TENM3: variants seen among roughly 807,000 people sequenced by gnomAD.
TENM3 encodes teneurin transmembrane protein 3, also known as teneurin-3.
A neutral mutation model predicts 255.1 loss-of-function variants in TENM3; 63 were observed. The observed-to-expected ratio is 0.25, with a 90% CI of 0.20 to 0.30. TENM3 has a LOEUF of 0.30. TENM3 is among the 10% of genes least tolerant of loss of function. The probability of loss-of-function intolerance (pLI) is 1.00; values close to 1 mark genes in which losing one functional copy is unlikely to be tolerated. For synonymous variants in TENM3, 1,306 were observed against 1,322.3 expected, an observed-to-expected ratio of 0.99 and a Z score of 0.27; for missense variants, 2,929 against 3,461.1, an observed-to-expected ratio of 0.85 and a Z score of 3.86.
At chr4:182,001,896 G>C in the TENM3 span, among the ~76,000 whole-genome samples, 5 of 152,032 alleles carry the variant, frequency 3.3e-5, no homozygotes, top group African/African-American at 1.2e-4. Context: ...CAAGTTGATT[G>C]GTTCAACAAT....
chr4:181,533,554 C>A, the TENM3 span, among the ~76,000 whole-genome samples: 32 of 152,080 alleles, frequency 2.1e-4, no homozygotes, highest in African/African-American at 7.5e-4. Flanking sequence ...GCCCCCAACA[C>A]CCGTTATTGG....
chr4:182,085,763 T>C, the TENM3 span, among the ~76,000 whole-genome samples: 10 of 152,176 alleles, frequency 6.6e-5, no homozygotes, highest in African/African-American at 2.2e-4. Flanking sequence ...GAAAAACATA[T>C]ATTATCTGAG....
chr4:182,326,125 G>A (rs1763388697), intron 2 of TENM3, among the ~76,000 whole-genome samples: 1 of 152,242 alleles, frequency 6.6e-6, no homozygotes. Context: ...AGGCCTTGTT[G>A]GAGAGCAGAA....
At chr4:182,312,449 A>G (rs113396501) in intron 1 of TENM3, among the ~76,000 whole-genome samples, 233 of 152,350 alleles carry the variant, frequency 1.5e-3, no homozygotes, top group Admixed American at 2.5e-3. Context: ...TGAGGTGGAC[A>G]TGTTCAGCCG....
the TENM3 span, among the ~76,000 whole-genome samples, chr4:181,751,430 A>C: frequency 6.6e-6 from 1 of 151,858 alleles, no homozygotes. Context: ...AAAAAAAAAA[A>C]AAACAAGAAA....
intron 1 of TENM3, among the ~76,000 whole-genome samples, chr4:182,178,962 A>G (rs1752682561): frequency 6.6e-6 from 1 of 152,220 alleles, no homozygotes. Flanking sequence ...ATTTTAGAGT[A>G]ATAAGTGAAA....
chr4:182,163,069 T>A (rs1254774967), intron 1 of TENM3, among the ~76,000 whole-genome samples: 1 of 152,142 alleles, frequency 6.6e-6, no homozygotes, highest in Admixed American at 6.5e-5. Flanking sequence ...TCAAGACGGC[T>A]CCATCCCTCA....
In TENM3 at chr4:182,597,124, C is replaced by T. The variant is rs146376917; in HGVS notation, c.512-3800C>T. Among the ~76,000 whole-genome samples, 495 of 152,294 alleles carry T rather than the reference C, an allele frequency of 3.3e-3. 2 individuals carry two copies. The highest frequency in any genetic ancestry group is 6.8e-3 in the South Asian group (33 of 4,822). ...CTTTATGCAAAGACTTAAAAAGAGC[C>T]AGGTACAGATCCTCACACCTGCAGT... On this transcript the variant is annotated intron_variant, in intron 3 of 27. Transcript: ENST00000511685.
the TENM3 span, among the ~76,000 whole-genome samples, chr4:182,038,829 G>A: frequency 6.6e-6 from 1 of 152,098 alleles, no homozygotes; most frequent in South Asian, 2.1e-4. Flanking sequence ...TGCCTCTCGG[G>A]TTCAAGTGAT....
At chr4:182,104,170 A>G in the TENM3 span, among the ~76,000 whole-genome samples, 1 of 152,344 alleles carries the variant, frequency 6.6e-6, no homozygotes, top group Middle Eastern at 3.4e-3. Context: ...TGGAATCAGG[A>G]AGGGATGCAC....
intron 3 of TENM3, among the ~76,000 whole-genome samples, chr4:182,475,175 A>G (rs1733554417): frequency 6.6e-6 from 1 of 152,176 alleles, no homozygotes; most frequent in Non-Finnish European, 1.5e-5. Context: ...CTTTAGTGGT[A>G]GGTTACCCCC....
intron 13 of TENM3, among the ~76,000 whole-genome samples, chr4:182,720,766 C>CTTTT (rs11369655): frequency 4.5e-4 from 58 of 129,796 alleles, no homozygotes; most frequent in African/African-American, 1.4e-3. Context: ...AGTCTCCCCT[C>CTTTT]TTTTTTTTTT....
chr4:182,124,183 CTGGGACTACAGGCACG>C, the TENM3 span, among the ~76,000 whole-genome samples: 1 of 152,176 alleles, frequency 6.6e-6, no homozygotes, highest in African/African-American at 2.4e-5. Context: ...TCCCGAGTAG[CTGGGACTACAGGCACG>C]TGCCACCATG....
At chr4:182,105,332 G>A in the TENM3 span, among the ~76,000 whole-genome samples, 26,000 of 152,084 alleles carry the variant, frequency 0.17, 2,405 homozygotes, top group Non-Finnish European at 0.2. Flanking sequence ...TTCTGAGGCC[G>A]GAGTTTGAAT....
intron 3 of TENM3, among the ~76,000 whole-genome samples, chr4:182,536,926 T>TC (rs1560889546): frequency 6.6e-6 from 1 of 152,232 alleles, no homozygotes; most frequent in African/African-American, 2.4e-5. Context: ...TTCTTTTTTT[T>TC]CCCTTGTTTG....
chr4:182,786,877 T>C (rs570591328), intron 24 of TENM3, among the ~76,000 whole-genome samples: 1 of 152,262 alleles, frequency 6.6e-6, no homozygotes, highest in African/African-American at 2.4e-5. Context: ...ACATTCAGGG[T>C]ATTTTTTCCT....
chr4:181,591,418 G>T, the TENM3 span, among the ~76,000 whole-genome samples: 1 of 152,232 alleles, frequency 6.6e-6, no homozygotes, highest in Non-Finnish European at 1.5e-5. Flanking sequence ...GCAAAGACTT[G>T]TACGTGAATG....
At chr4:181,555,256 G>A in the TENM3 span, among the ~76,000 whole-genome samples, 2 of 152,194 alleles carry the variant, frequency 1.3e-5, no homozygotes, top group East Asian at 1.9e-4. Flanking sequence ...ATAGAGGTTC[G>A]CAGACTGGTG....
At chr4:182,142,730 C>T (rs1561132394), upstream of TENM3, 1 of 164,882 alleles carries the variant, frequency 6.1e-6, no homozygotes, top group Non-Finnish European at 1.5e-5. Flanking sequence ...GGGCTCCTAG[C>T]CCTCCACGGG....
Sources: gnomAD v4.1 joint callset for allele counts (sites outside exome capture counted in the v4.1 genomes callset) on GRCh38, gnomAD v4.1.1 for gene constraint, MANE v1.5 for transcripts, NCBI Gene and HGNC (gene_info 2026-07-23, HGNC 2026-07-21) for gene names.